The following ARHGAP28 variants were observed in gnomAD, a reference collection of about 807,000 sequenced individuals.
The protein encoded by ARHGAP28 is Rho GTPase activating protein 28, also known as rho GTPase-activating protein 28.
In ARHGAP28, 56 loss-of-function variants were observed where a neutral mutation model predicts 90.7. That is an observed-to-expected ratio of 0.62 (90% CI 0.50 to 0.77). ARHGAP28 has a LOEUF of 0.77. Among genes scored for constraint, ARHGAP28 ranks in the 30% least tolerant of loss-of-function variants. The pLI is 0.00. For synonymous variants in ARHGAP28, 308 were observed against 323.3 expected (o/e 0.95, Z 0.51); for missense variants, 869 against 900.9 (o/e 0.96, Z 0.45).
At chr18:6,820,819 C>T (rs2056621971) in intron 1 of ARHGAP28, among the ~76,000 whole-genome samples, 1 of 152,112 alleles carries the variant, frequency 6.6e-6, no homozygotes, top group Non-Finnish European at 1.5e-5. Flanking sequence ...AAATTAAAAA[C>T]ATATTCAGAA....
At chr18:6,729,994 G>T (rs2055862441) in intron 1 of ARHGAP28, 51 bp downstream of exon 1, 1 of 1,297,750 alleles carries the variant, frequency 7.7e-7, no homozygotes, top group Non-Finnish European at 9.8e-7. Flanking sequence ...GGGCTTGGGG[G>T]GTTCGCCGTG....
chr18:6,860,077 G>C (rs1044799993), intron 5 of ARHGAP28, among the ~76,000 whole-genome samples, 180 bp downstream of exon 5: 24 of 152,184 alleles, frequency 1.6e-4, no homozygotes, highest in African/African-American at 4.3e-4. Flanking sequence ...GAAGAAAGAG[G>C]CTCAAAATAA....
chr18:6,729,930 C>T lies in ARHGAP28; in HGVS notation c.109C>T (p.His37Tyr). 1 of 1,391,224 alleles carries T rather than the reference C, an allele frequency of 7.2e-7. No individual in the cohort carries two copies. The highest frequency in any genetic ancestry group is 9.3e-7 in the Non-Finnish European group (1 of 1,075,750). The allele number at this position is 1,391,224 out of a possible 1,614,324, so 86.2% of individuals were successfully genotyped here. ...SRCAPRAAASHPLSRKSIPRC... is the reference protein window; with the variant it reads ...SRCAPRAAASYPLSRKSIPRC... ...CTGCGCGCCCCGCGCCGCAGCCAGC[C>T]ACCCGCTCAGCAGGTACCCGGAGCC... Residue 37 changes from histidine (H) to tyrosine (Y), a missense_variant, in exon 1 of 18, where the codon CAC (histidine) becomes TAC (tyrosine). Coordinates refer to ENST00000383472, the MANE Select transcript of ARHGAP28 (RefSeq NM_001366230.1).
intron 1 of ARHGAP28, among the ~76,000 whole-genome samples, chr18:6,795,448 G>C (rs1018309807): frequency 6.6e-6 from 1 of 152,154 alleles, no homozygotes; most frequent in African/African-American, 2.4e-5. Flanking sequence ...GCTGCAGCCT[G>C]GGCCTCACAC....
intron 1 of ARHGAP28, among the ~76,000 whole-genome samples, chr18:6,803,453 T>G (rs1181898469): frequency 6.6e-5 from 10 of 152,184 alleles, no homozygotes; most frequent in Admixed American, 5.9e-4. Flanking sequence ...TGATGCATTA[T>G]ATTTTTTATA....
At chr18:6,749,864 G>T (rs1052127408) in intron 1 of ARHGAP28, among the ~76,000 whole-genome samples, 1 of 152,022 alleles carries the variant, frequency 6.6e-6, no homozygotes. Context: ...TCACTGACAG[G>T]TTATTCTCAA....
Position 6,869,598 on chromosome 18 carries a change from T to C in ARHGAP28, c.812-992T>C, listed in dbSNP as rs116529674. ...TTTCTAAGTTCTCGCTGCACTCATTTATTATTGTGTTTTTAATTAGCATCA... is the reference window on the plus strand; with the variant it reads ...TTTCTAAGTTCTCGCTGCACTCATTCATTATTGTGTTTTTAATTAGCATCA... On this transcript the variant is annotated intron_variant, in intron 6 of 17. Coordinates refer to ENST00000383472, the MANE Select transcript of ARHGAP28 (RefSeq NM_001366230.1). 7.2e-4 allele frequency among the ~76,000 whole-genome samples: 110 copies of C among 152,236 alleles called. 1 individual carries two copies. Among genetic ancestry groups the C allele is most frequent in the African/African-American group, 2.6e-3 (107 of 41,536 alleles).
At chr18:6,759,757 T>G (rs2056143351) in intron 1 of ARHGAP28, among the ~76,000 whole-genome samples, 1 of 152,170 alleles carries the variant, frequency 6.6e-6, no homozygotes, top group African/African-American at 2.4e-5. Flanking sequence ...TAGGCTCTTA[T>G]GCCCAGCTGC....
At chr18:6,836,225 A>G (rs1391056261) in intron 2 of ARHGAP28, 4 of 152,480 alleles carry the variant, frequency 2.6e-5, no homozygotes, top group Non-Finnish European at 5.9e-5. Flanking sequence ...TAAGAGAAAG[A>G]ACAGATCCCA....
intron 1 of ARHGAP28, among the ~76,000 whole-genome samples, chr18:6,787,174 C>T (rs1475393248): frequency 4.2e-5 from 6 of 142,720 alleles, no homozygotes; most frequent in African/African-American, 1.6e-4. Flanking sequence ...GAGCTGAGAT[C>T]GCGCCACTGC....
chr18:6,899,898 G>A (rs1199447003), intron 16 of ARHGAP28, among the ~76,000 whole-genome samples: 1 of 152,004 alleles, frequency 6.6e-6, no homozygotes, highest in African/African-American at 2.4e-5. Flanking sequence ...CCTGACACCT[G>A]GTGGAAAGGG....
At chr18:6,890,988 AGTTTT>A (rs1280831597) in intron 14 of ARHGAP28, among the ~76,000 whole-genome samples, 2 of 152,316 alleles carry the variant, frequency 1.3e-5, no homozygotes, top group South Asian at 2.1e-4. Flanking sequence ...AGGAATTCAG[AGTTTT>A]GTTTTAACAC....
chr18:6,889,044 T>C (rs184172309), intron 12 of ARHGAP28, among the ~76,000 whole-genome samples: 3 of 152,308 alleles, frequency 2.0e-5, no homozygotes, highest in Non-Finnish European at 2.9e-5. Flanking sequence ...TGAGTGAATA[T>C]ATATAAAGTA....
chr18:6,845,876 A>G (rs993377546), intron 3 of ARHGAP28, among the ~76,000 whole-genome samples: 1 of 152,246 alleles, frequency 6.6e-6, no homozygotes, highest in Admixed American at 6.5e-5. Context: ...AAAGTACACT[A>G]TCTAGCACAG....
rs2056651802 is a variant in ARHGAP28, at chr18:6,824,962, A to G, written c.323A>G (p.Asp108Gly). 1.3e-6 allele frequency: 2 copies of G among 1,529,346 alleles called. No homozygotes were observed. Among genetic ancestry groups the G allele is most frequent in the South Asian group, 1.2e-5 (1 of 83,144 alleles). 94.7% of individuals were successfully genotyped at this position (1,529,346 alleles called of 1,614,324 possible). Reference protein sequence around the residue: ...EPPPAEVTPVDEGELEAEWLQ... With the variant: ...EPPPAEVTPVGEGELEAEWLQ... Reference sequence around the variant, plus strand: ...CCGCCAGCTGAGGTCACACCTGTGGATGGTAAGTTGCTGGATTTGTCTTCC... The same window carrying G: ...CCGCCAGCTGAGGTCACACCTGTGGGTGGTAAGTTGCTGGATTTGTCTTCC... Residue 108 changes from aspartate (D) to glycine (G), a missense_variant and splice_region_variant, in exon 2 of 18, where the codon GAT becomes GGT. Transcript: ENST00000383472.
intron 1 of ARHGAP28, among the ~76,000 whole-genome samples, chr18:6,766,804 A>G (rs990149871): frequency 6.6e-6 from 1 of 152,172 alleles, no homozygotes; most frequent in African/African-American, 2.4e-5. Flanking sequence ...CTTCTGATTC[A>G]GTATTGACAA....
chr18:6,893,449 A>G (rs1286237776), intron 14 of ARHGAP28, among the ~76,000 whole-genome samples: 1 of 152,244 alleles, frequency 6.6e-6, no homozygotes, highest in Non-Finnish European at 1.5e-5. Context: ...CTAAGAGTCA[A>G]TACTGACAGT....
At chr18:6,810,922 G>C (rs1271432307) in intron 1 of ARHGAP28, among the ~76,000 whole-genome samples, 1 of 152,054 alleles carries the variant, frequency 6.6e-6, no homozygotes, top group Non-Finnish European at 1.5e-5. Context: ...ATTACATAGT[G>C]GTCATGGGGG....
At chr18:6,898,547 C>T (rs767009741) in intron 16 of ARHGAP28, 3 of 1,613,722 alleles carry the variant, frequency 1.9e-6, no homozygotes, top group East Asian at 4.5e-5. Flanking sequence ...TATTCCTCTT[C>T]ACTATTGGCC....
Sources: allele counts gnomAD v4.1 joint callset (sites outside exome capture counted in the v4.1 genomes callset), GRCh38; gene constraint gnomAD v4.1.1; transcripts MANE v1.5; gene names NCBI Gene and HGNC (gene_info 2026-07-23, HGNC 2026-07-21).